AKT3: variants seen among roughly 807,000 people sequenced by gnomAD.
AKT3 encodes the protein AKT serine/threonine kinase 3, also known as RAC-gamma serine/threonine-protein kinase.
AKT3 carries 15 observed loss-of-function variants against 65.3 expected under a neutral mutation model. The ratio of observed to expected loss-of-function variants is 0.23; its 90% confidence interval spans 0.15 to 0.35. The LOEUF (loss-of-function observed/expected upper bound fraction) is 0.35, where lower values mean the gene tolerates loss of function less well. AKT3 is among the 10% of genes least tolerant of loss of function. The pLI is 1.00. For missense variants in AKT3, 243 were observed against 576.5 expected (o/e 0.42, Z 5.92); for synonymous variants, 206 against 183.8 (o/e 1.12, Z -0.98).
chr1:243,587,118 G>T (rs992875709), intron 8 of AKT3, among the ~76,000 whole-genome samples: 5 of 152,088 alleles, frequency 3.3e-5, no homozygotes, highest in African/African-American at 1.2e-4. Flanking sequence ...AATAATCAAT[G>T]TAACAGAGAC....
chr1:243,789,481 G>A (rs1691481720), intron 2 of AKT3, among the ~76,000 whole-genome samples: 1 of 152,096 alleles, frequency 6.6e-6, no homozygotes, highest in Admixed American at 6.5e-5. Context: ...CCATCTTCAG[G>A]CTCCACTGCT....
chr1:243,576,739 T>C (rs1455608395), intron 8 of AKT3, among the ~76,000 whole-genome samples: 1 of 152,056 alleles, frequency 6.6e-6, no homozygotes, highest in Non-Finnish European at 1.5e-5. Flanking sequence ...CACAGACAAA[T>C]GGGAAAACAT....
chr1:243,619,255 T>C (rs1294365266), intron 6 of AKT3, among the ~76,000 whole-genome samples: 1 of 152,110 alleles, frequency 6.6e-6, no homozygotes, highest in East Asian at 1.9e-4. Context: ...TTGTATACAT[T>C]TTCGGGGTAC....
intron 2 of AKT3, among the ~76,000 whole-genome samples, chr1:243,800,017 T>G (rs1692283082): frequency 6.6e-6 from 1 of 152,174 alleles, no homozygotes; most frequent in Admixed American, 6.5e-5. Flanking sequence ...TTCTCTGTCT[T>G]ATTTCCAAGT....
At chr1:243,786,576 G>A (rs1558809709) in intron 2 of AKT3, among the ~76,000 whole-genome samples, 1 of 152,064 alleles carries the variant, frequency 6.6e-6, no homozygotes, top group African/African-American at 2.4e-5. Flanking sequence ...TAACTAGTAA[G>A]TTCATTTCTA....
At chr1:243,812,988 T>C (rs1213344572) in intron 2 of AKT3, among the ~76,000 whole-genome samples, 3 of 120,350 alleles carry the variant, frequency 2.5e-5, no homozygotes, top group Non-Finnish European at 4.8e-5. Context: ...TGAGAACACT[T>C]GGACATAGGA....
At chr1:243,531,928 G>A (rs1671560263) in intron 12 of AKT3, among the ~76,000 whole-genome samples, 1 of 152,116 alleles carries the variant, frequency 6.6e-6, no homozygotes, top group Non-Finnish European at 1.5e-5. Flanking sequence ...CTAGTATATG[G>A]AAATACAATG....
At chr1:243,769,761 G>A (rs971824856) in intron 2 of AKT3, among the ~76,000 whole-genome samples, 5 of 152,006 alleles carry the variant, frequency 3.3e-5, no homozygotes, top group Admixed American at 2.0e-4. Context: ...AAAAATTGTT[G>A]TTTCCTGAAG....
intron 2 of AKT3, among the ~76,000 whole-genome samples, chr1:243,790,235 T>C (rs1317396731): frequency 6.6e-6 from 1 of 152,200 alleles, no homozygotes; most frequent in Non-Finnish European, 1.5e-5. Flanking sequence ...AGAAGAGTGT[T>C]TTGTCTACAC....
intron 12 of AKT3, among the ~76,000 whole-genome samples, chr1:243,545,167 A>G (rs1672574309): frequency 6.6e-6 from 1 of 152,224 alleles, no homozygotes; most frequent in African/African-American, 2.4e-5. Flanking sequence ...TTAAAATTAA[A>G]GACATAAGGG....
intron 2 of AKT3, among the ~76,000 whole-genome samples, chr1:243,771,865 A>G (rs1353860764): frequency 6.6e-6 from 1 of 152,204 alleles, no homozygotes; most frequent in Non-Finnish European, 1.5e-5. Flanking sequence ...AACAGAACAG[A>G]GCCCTCAGAA....
At chr1:243,641,508 T>C (rs1055918636) in intron 5 of AKT3, among the ~76,000 whole-genome samples, 3 of 151,936 alleles carry the variant, frequency 2.0e-5, no homozygotes, top group African/African-American at 2.4e-5. Flanking sequence ...TGCCTTATTA[T>C]TAAATATCAT....
chr1:243,547,236 A>G (rs1672741821), intron 11 of AKT3, among the ~76,000 whole-genome samples: 1 of 152,206 alleles, frequency 6.6e-6, no homozygotes, highest in Non-Finnish European at 1.5e-5. Context: ...ACCATTATAT[A>G]TTATGTCCAA....
chr1:243,732,878 A>T (rs1232665581), intron 2 of AKT3, among the ~76,000 whole-genome samples: 1 of 152,246 alleles, frequency 6.6e-6, no homozygotes, highest in Non-Finnish European at 1.5e-5. Flanking sequence ...AAATGTAAAC[A>T]GGACTACTCT....
At chr1:243,583,540 C>CAAAAA (rs1294857854) in intron 8 of AKT3, among the ~76,000 whole-genome samples, 1 of 30,004 alleles carries the variant, frequency 3.3e-5, no homozygotes, top group Non-Finnish European at 7.3e-5. Flanking sequence ...AAGTAAGTCT[C>CAAAAA]AAAAAAAAAA....
chr1:243,679,753 T>G (rs1195918775), intron 3 of AKT3, among the ~76,000 whole-genome samples: 1 of 152,164 alleles, frequency 6.6e-6, no homozygotes, highest in African/African-American at 2.4e-5. Context: ...TAAGCCAACT[T>G]TGCTGATTCC....
At chr1:243,694,065 T>C (rs969717184) in intron 3 of AKT3, among the ~76,000 whole-genome samples, 1 of 152,182 alleles carries the variant, frequency 6.6e-6, no homozygotes, top group Non-Finnish European at 1.5e-5. Context: ...ACATACAGTA[T>C]GTCTTTAAAA....
intron 8 of AKT3, among the ~76,000 whole-genome samples, chr1:243,600,691 A>G (rs1572008800): frequency 6.6e-6 from 1 of 152,184 alleles, no homozygotes; most frequent in African/African-American, 2.4e-5. Context: ...TGCAAGAGCT[A>G]AAACTATTAA....
chr1:243,771,985 T>C (rs1039381079), intron 2 of AKT3, among the ~76,000 whole-genome samples: 2 of 152,188 alleles, frequency 1.3e-5, no homozygotes, highest in African/African-American at 4.8e-5. Context: ...TAGCTAGCCA[T>C]ATGTAGAAAG....
Sources: gnomAD v4.1 joint callset for allele counts (sites outside exome capture counted in the v4.1 genomes callset) on GRCh38, gnomAD v4.1.1 for gene constraint, MANE v1.5 for transcripts, NCBI Gene and HGNC (gene_info 2026-07-23, HGNC 2026-07-21) for gene names.